SPON1: variants seen among roughly 807,000 people sequenced by gnomAD.
The protein encoded by SPON1 is spondin 1.
A neutral mutation model predicts 111.7 loss-of-function variants in SPON1; 52 were observed. The ratio of observed to expected loss-of-function variants is 0.47; its 90% confidence interval spans 0.37 to 0.59. The LOEUF (loss-of-function observed/expected upper bound fraction) is 0.59, where lower values mean the gene tolerates loss of function less well. Ranked by LOEUF, SPON1 falls within the 20% of genes least tolerant of loss-of-function variation. The pLI, the probability that SPON1 is intolerant of heterozygous loss-of-function variation, is 0.00. For synonymous variants in SPON1, 410 were observed against 395.8 expected (o/e 1.04, Z -0.43); for missense variants, 957 against 1,068.5 (o/e 0.90, Z 1.46).
intron 2 of SPON1, among the ~76,000 whole-genome samples, chr11:14,003,706 GTATACATAATGATA>G (rs1554912752): frequency 6.6e-6 from 1 of 152,104 alleles, no homozygotes; most frequent in African/African-American, 2.4e-5. Context: ...TGTATAGATA[GTATACATAATGATA>G]TATATATAGA....
At chr11:14,231,938 G>A (rs1848808860) in intron 6 of SPON1, among the ~76,000 whole-genome samples, 1 of 82,402 alleles carries the variant, frequency 1.2e-5, no homozygotes, top group Non-Finnish European at 2.7e-5. Context: ...TGGGATTATA[G>A]GGTCATTCTT....
intron 2 of SPON1, among the ~76,000 whole-genome samples, chr11:14,030,562 G>A (rs1848550647): frequency 6.6e-6 from 1 of 152,190 alleles, no homozygotes; most frequent in South Asian, 2.1e-4. Context: ...GATTTTAAAA[G>A]ATGAATAAGA....
chr11:14,062,885 C>G (rs1848802120), intron 3 of SPON1, among the ~76,000 whole-genome samples: 1 of 152,194 alleles, frequency 6.6e-6, no homozygotes, highest in Non-Finnish European at 1.5e-5. Context: ...GGGCCCACCA[C>G]ACTGTGAGGG....
chr11:14,009,247 C>G (rs1591349254), intron 2 of SPON1, among the ~76,000 whole-genome samples: 1 of 152,200 alleles, frequency 6.6e-6, no homozygotes, highest in African/African-American at 2.4e-5. Context: ...AGTTCCTTAA[C>G]AGCCCAAAAG....
intron 6 of SPON1, among the ~76,000 whole-genome samples, chr11:14,234,688 T>G (rs748702618): frequency 3.9e-5 from 6 of 152,240 alleles, no homozygotes; most frequent in Non-Finnish European, 8.8e-5. Context: ...GGAACAGCTC[T>G]GATGGTCCCT....
At chr11:14,191,259 G>A (rs574342799) in intron 6 of SPON1, among the ~76,000 whole-genome samples, 1 of 152,186 alleles carries the variant, frequency 6.6e-6, no homozygotes, top group Non-Finnish European at 1.5e-5. Context: ...GATGGAAGGT[G>A]GACCAATGAG....
At chr11:14,261,876 G>A (rs1849187884) in intron 14 of SPON1, among the ~76,000 whole-genome samples, 1 of 152,062 alleles carries the variant, frequency 6.6e-6, no homozygotes, top group Admixed American at 6.5e-5. Flanking sequence ...TCCCCATTTT[G>A]CAGATAAGAA....
At chr11:14,034,441 A>C (rs781963693) in intron 2 of SPON1, among the ~76,000 whole-genome samples, 1 of 152,214 alleles carries the variant, frequency 6.6e-6, no homozygotes, top group Non-Finnish European at 1.5e-5. Context: ...AGGTTCTGAT[A>C]GTGCAAGGCT....
intron 2 of SPON1, among the ~76,000 whole-genome samples, chr11:14,006,205 A>C (rs1196805269): frequency 6.6e-6 from 1 of 152,116 alleles, no homozygotes; most frequent in Non-Finnish European, 1.5e-5. Context: ...TTGAGATGAA[A>C]CTAATGAATT....
chr11:14,169,287 G>C (rs1372544453), intron 6 of SPON1, among the ~76,000 whole-genome samples: 1 of 152,058 alleles, frequency 6.6e-6, no homozygotes, highest in African/African-American at 2.4e-5. Flanking sequence ...TTTTTTGACT[G>C]CATAAATGTC....
At chr11:14,213,955 T>C (rs1315521619) in intron 6 of SPON1, among the ~76,000 whole-genome samples, 5 of 152,212 alleles carry the variant, frequency 3.3e-5, no homozygotes, top group Non-Finnish European at 5.9e-5. Flanking sequence ...AGCTAGTCCA[T>C]CAAACCCATG....
chr11:13,981,642 G>A (rs1405349583), intron 1 of SPON1, among the ~76,000 whole-genome samples: 1 of 152,146 alleles, frequency 6.6e-6, no homozygotes, highest in Non-Finnish European at 1.5e-5. Context: ...GATTTTAACG[G>A]AAAAATCGTT....
chr11:14,056,221 G>A (rs1848743644), intron 3 of SPON1, among the ~76,000 whole-genome samples: 1 of 152,172 alleles, frequency 6.6e-6, no homozygotes, highest in Non-Finnish European at 1.5e-5. Context: ...GACTAAATGA[G>A]TTAGTGCATG....
chr11:14,233,564 G>A (rs558177023), intron 6 of SPON1, among the ~76,000 whole-genome samples: 1 of 152,072 alleles, frequency 6.6e-6, no homozygotes, highest in Non-Finnish European at 1.5e-5. Flanking sequence ...TTAACTAATT[G>A]TTTAATTAAC....
At chr11:14,144,667 TAATGAA>T (rs1177620238) in intron 6 of SPON1, among the ~76,000 whole-genome samples, 19 of 148,334 alleles carry the variant, frequency 1.3e-4, no homozygotes, top group African/African-American at 4.8e-4. Context: ...ATAATAATAA[TAATGAA>T]AAATAAAAAG....
chr11:14,133,600 A>G (rs1220676472), intron 5 of SPON1, among the ~76,000 whole-genome samples: 2 of 152,152 alleles, frequency 1.3e-5, no homozygotes, highest in Non-Finnish European at 2.9e-5. Context: ...TTTGGTGGAG[A>G]AGGGCAGGGA....
At chr11:14,193,499 CTTG>C (rs1554934779) in intron 6 of SPON1, among the ~76,000 whole-genome samples, 1 of 152,166 alleles carries the variant, frequency 6.6e-6, no homozygotes, top group East Asian at 1.9e-4. Context: ...GTGAGCTCTG[CTTG>C]TCACAAAGGT....
At chr11:14,128,620 G>A (rs1015086774) in intron 5 of SPON1, among the ~76,000 whole-genome samples, 1 of 152,296 alleles carries the variant, frequency 6.6e-6, no homozygotes, top group Admixed American at 6.5e-5. Flanking sequence ...GGGTCTGAAG[G>A]ATGATGACCC....
chr11:14,051,859 TGTCTTATGTAA>T (rs1848710259), intron 3 of SPON1, among the ~76,000 whole-genome samples: 2 of 152,356 alleles, frequency 1.3e-5, no homozygotes, highest in Middle Eastern at 3.4e-3. Flanking sequence ...GTCTTATATA[TGTCTTATGTAA>T]TTCTCATAAA....
Sources: gnomAD v4.1 joint callset for allele counts (sites outside exome capture counted in the v4.1 genomes callset) on GRCh38, gnomAD v4.1.1 for gene constraint, MANE v1.5 for transcripts, NCBI Gene and HGNC (gene_info 2026-07-23, HGNC 2026-07-21) for gene names.